TMEM132C: variants seen among roughly 807,000 people sequenced by gnomAD.
TMEM132C encodes transmembrane protein 132C.
TMEM132C carries 29 observed loss-of-function variants against 61.4 expected under a neutral mutation model. That is an observed-to-expected ratio of 0.47 (90% confidence interval 0.35 to 0.64). The LOEUF is 0.64. TMEM132C is among the 30% of genes least tolerant of loss of function. The pLI is 0.00. For synonymous variants in TMEM132C, 656 were observed against 633.1 expected (o/e 1.04, Z -0.54); for missense variants, 1,408 against 1,476.9 (o/e 0.95, Z 0.76).
At chr12:128,524,506 T>A (rs1873019853) in intron 2 of TMEM132C, among the ~76,000 whole-genome samples, 1 of 151,972 alleles carries the variant, frequency 6.6e-6, no homozygotes, top group Admixed American at 6.6e-5. Context: ...GTTGTTCACC[T>A]TTTTTTTCAA....
chr12:128,374,918 C>CAA (rs10601290), intron 1 of TMEM132C, among the ~76,000 whole-genome samples: 1 of 126,902 alleles, frequency 7.9e-6, no homozygotes, highest in African/African-American at 3.0e-5. Flanking sequence ...CCGTCTGTCT[C>CAA]AAAAAAAAAA....
chr12:128,389,012 C>T (rs1456439396), intron 1 of TMEM132C, among the ~76,000 whole-genome samples: 1 of 151,902 alleles, frequency 6.6e-6, no homozygotes, highest in Non-Finnish European at 1.5e-5. Flanking sequence ...CTGTGGCTAC[C>T]TTCACACCCT....
At chr12:128,366,841 C>T (rs1873888240) in intron 1 of TMEM132C, among the ~76,000 whole-genome samples, 1 of 152,010 alleles carries the variant, frequency 6.6e-6, no homozygotes, top group African/African-American at 2.4e-5. Flanking sequence ...AAAGAGAGTC[C>T]TGAGTCGGAA....
At chr12:128,507,289 C>T (rs1872396104) in intron 2 of TMEM132C, among the ~76,000 whole-genome samples, 1 of 151,350 alleles carries the variant, frequency 6.6e-6, no homozygotes, top group Admixed American at 6.6e-5. Context: ...CTGGACCGTG[C>T]AGAGAGGGAT....
At chr12:128,484,553 T>C (rs1283900837) in intron 2 of TMEM132C, among the ~76,000 whole-genome samples, 1 of 152,156 alleles carries the variant, frequency 6.6e-6, no homozygotes, top group East Asian at 1.9e-4. Context: ...TTGTTATGTC[T>C]CTTCTAGTGG....
chr12:128,441,514 A>C (rs902646863), intron 2 of TMEM132C, among the ~76,000 whole-genome samples: 4 of 152,104 alleles, frequency 2.6e-5, no homozygotes, highest in African/African-American at 9.7e-5. Flanking sequence ...CAGCAAAGGG[A>C]CTTTGGCTCC....
rs1250282676 is a variant in TMEM132C at position 128,287,416 on chromosome 12, GGTTT to G, written c.85+19934_85+19937del. Reference sequence around the variant, plus strand: ...GATTCCTCCAAATTAACATTTACCAGGTTTGTTTATCAGTATTTTTCTTAATAGC... The same window carrying G: ...GATTCCTCCAAATTAACATTTACCAGGTTTATCAGTATTTTTCTTAATAGC... On this transcript the variant is annotated intron_variant, in intron 1 of 8. Coordinates refer to ENST00000435159, the MANE Select transcript of TMEM132C (RefSeq NM_001136103.3). Among the ~76,000 whole-genome samples, 5 of 152,034 alleles carry G rather than the reference GGTTT, an allele frequency of 3.3e-5. 1 individual carries two copies. The highest frequency in any genetic ancestry group is 1.9e-4 in the East Asian group (1 of 5,190).
chr12:128,321,979 T>C lies in TMEM132C; in HGVS notation c.85+54492T>C, dbSNP rs1872349681. Among the ~76,000 whole-genome samples, 2 of 152,198 alleles carry C rather than the reference T, an allele frequency of 1.3e-5. 1 individual carries two copies. Among genetic ancestry groups the C allele is most frequent in the South Asian group, 4.1e-4 (2 of 4,836 alleles). ...CTTTGGCCCACCTGAAGTGCCAGAATGTATCTCCCCAGAATGACCATAGTG... is the reference window on the plus strand; with the variant it reads ...CTTTGGCCCACCTGAAGTGCCAGAACGTATCTCCCCAGAATGACCATAGTG... On this transcript the variant is annotated intron_variant, in intron 1 of 8. Transcript: ENST00000435159.
intron 1 of TMEM132C, among the ~76,000 whole-genome samples, chr12:128,359,052 A>T (rs943161361): frequency 6.6e-6 from 1 of 152,178 alleles, no homozygotes; most frequent in African/African-American, 2.4e-5. Flanking sequence ...CATCTTACAG[A>T]TGAGAAAATG....
chr12:128,599,234 G>A (rs557174803), intron 3 of TMEM132C, among the ~76,000 whole-genome samples: 11 of 152,288 alleles, frequency 7.2e-5, no homozygotes, highest in East Asian at 3.9e-4. Context: ...TCTTCCTCTC[G>A]TTGATAATCT....
chr12:128,386,080 C>G (rs755946271), intron 1 of TMEM132C, among the ~76,000 whole-genome samples: 1 of 152,108 alleles, frequency 6.6e-6, no homozygotes, highest in African/African-American at 2.4e-5. Flanking sequence ...CTAGAAGACA[C>G]GCATAATGAG....
intron 4 of TMEM132C, among the ~76,000 whole-genome samples, chr12:128,648,499 T>A (rs1954233887): frequency 6.7e-6 from 1 of 149,262 alleles, no homozygotes; most frequent in Non-Finnish European, 1.5e-5. Flanking sequence ...TGAGTGTGTT[T>A]ACTGGAGTCT....
At chr12:128,335,319 C>T (rs1214628985) in intron 1 of TMEM132C, among the ~76,000 whole-genome samples, 1 of 150,770 alleles carries the variant, frequency 6.6e-6, no homozygotes, top group African/African-American at 2.4e-5. Context: ...CTCATCTTAT[C>T]AACCTCGTAA....
At chr12:128,654,381 C>T (rs1593136160) in intron 4 of TMEM132C, among the ~76,000 whole-genome samples, 1 of 152,182 alleles carries the variant, frequency 6.6e-6, no homozygotes, top group Non-Finnish European at 1.5e-5. Flanking sequence ...CCTGCAGCCT[C>T]AGAGGGAGCA....
intron 2 of TMEM132C, among the ~76,000 whole-genome samples, chr12:128,498,120 T>G (rs1233583102): frequency 6.6e-6 from 1 of 152,142 alleles, no homozygotes; most frequent in Non-Finnish European, 1.5e-5. Context: ...TTGGTTTTAT[T>G]TTGATGGAAT....
chr12:128,518,377 C>T (rs1033001419), intron 2 of TMEM132C, among the ~76,000 whole-genome samples: 2 of 152,194 alleles, frequency 1.3e-5, no homozygotes, highest in Non-Finnish European at 2.9e-5. Context: ...CAGGCGGCGT[C>T]CTTGGAACAC....
chr12:128,628,145 C>A (rs1292918432), intron 4 of TMEM132C, among the ~76,000 whole-genome samples: 1 of 152,184 alleles, frequency 6.6e-6, no homozygotes, highest in African/African-American at 2.4e-5. Context: ...TCATCTCACA[C>A]CTGGATGTAT....
At chr12:128,311,732 G>T (rs528100627) in intron 1 of TMEM132C, among the ~76,000 whole-genome samples, 3 of 152,318 alleles carry the variant, frequency 2.0e-5, no homozygotes, top group East Asian at 3.9e-4. Flanking sequence ...ACTTCACGTC[G>T]GTCCTGGCTC....
At chr12:128,357,890 A>G (rs374939874) in intron 1 of TMEM132C, among the ~76,000 whole-genome samples, 1 of 144,816 alleles carries the variant, frequency 6.9e-6, no homozygotes, top group Non-Finnish European at 1.5e-5. Context: ...ATCCCCAACC[A>G]TGGACTGGGT....
Sources: gnomAD v4.1 joint callset for allele counts (sites outside exome capture counted in the v4.1 genomes callset) on GRCh38, gnomAD v4.1.1 for gene constraint, MANE v1.5 for transcripts, NCBI Gene and HGNC (gene_info 2026-07-23, HGNC 2026-07-21) for gene names.